CPQ: variants seen among roughly 807,000 people sequenced by gnomAD.
CPQ encodes the protein Ser-Met dipeptidase.
A neutral mutation model predicts 45.7 loss-of-function variants in CPQ; 37 were observed. The ratio of observed to expected loss-of-function variants is 0.81; its 90% CI spans 0.62 to 1.07. The LOEUF is 1.07. CPQ is among the 50% of genes least tolerant of loss of function. CPQ has a pLI of 0.00. For synonymous variants in CPQ, 186 were observed against 205.8 expected, an observed-to-expected ratio of 0.90 and a Z score of 0.82; for missense variants, 537 against 572.9, an observed-to-expected ratio of 0.94 and a Z score of 0.64.
intron 2 of CPQ, among the ~76,000 whole-genome samples, chr8:96,807,115 G>A (rs550282477): frequency 6.6e-6 from 1 of 152,274 alleles, no homozygotes; most frequent in South Asian, 2.1e-4. Flanking sequence ...TAAGGACAGA[G>A]GAAATTAACA....
At chr8:97,016,127 AATGTAAATACCT>A (rs1168546939) in intron 5 of CPQ, among the ~76,000 whole-genome samples, 1 of 152,190 alleles carries the variant, frequency 6.6e-6, no homozygotes, top group East Asian at 1.9e-4. Context: ...CAGAGTTTAA[AATGTAAATACCT>A]ATCATTTAAT....
At chr8:96,669,611 G>A (rs554476854) in intron 1 of CPQ, among the ~76,000 whole-genome samples, 2 of 152,204 alleles carry the variant, frequency 1.3e-5, no homozygotes, top group South Asian at 4.1e-4. Flanking sequence ...AAGAAAAATA[G>A]AAAATAAGAA....
chr8:96,879,251 G>A (rs1425073509), intron 3 of CPQ, among the ~76,000 whole-genome samples: 1 of 152,136 alleles, frequency 6.6e-6, no homozygotes, highest in East Asian at 1.9e-4. Flanking sequence ...TTTTCTTTAT[G>A]AGAATAGGAA....
At chr8:96,672,929 C>T (rs1422279735) in intron 1 of CPQ, among the ~76,000 whole-genome samples, 1 of 152,080 alleles carries the variant, frequency 6.6e-6, no homozygotes, top group Non-Finnish European at 1.5e-5. Context: ...GGGCTTCAAG[C>T]ATAGCCATCA....
At position 96,779,778 on chromosome 8, in the gene CPQ, A is replaced by G. The variant is rs571597765; in HGVS notation, c.-34-5086A>G. On this transcript the variant is annotated intron_variant, in intron 1 of 7. Coordinates refer to ENST00000220763, the MANE Select transcript of CPQ (RefSeq NM_016134.4). ...TTTTTTTGCACCAACAACACATTGGAAAAATGTACTTTCAAGAATAAATTG... is the reference window on the plus strand; with the variant it reads ...TTTTTTTGCACCAACAACACATTGGGAAAATGTACTTTCAAGAATAAATTG... 6.3e-4 allele frequency among the ~76,000 whole-genome samples: 96 copies of G among 152,314 alleles called. 2 individuals carry two copies. In the South Asian group the frequency reaches 0.02, roughly 31 times the overall value.
chr8:96,666,501 G>A (rs1378188643), intron 1 of CPQ, among the ~76,000 whole-genome samples: 1 of 152,186 alleles, frequency 6.6e-6, no homozygotes, highest in Admixed American at 6.5e-5. Flanking sequence ...TACAGGGTGA[G>A]GAATGGTATT....
chr8:97,107,971 A>G (rs1811430565), intron 7 of CPQ, among the ~76,000 whole-genome samples: 1 of 152,074 alleles, frequency 6.6e-6, no homozygotes, highest in South Asian at 2.1e-4. Context: ...ACAGCAGCAA[A>G]TAAGAAGGCA....
At chr8:96,871,518 G>C (rs1812066726) in intron 3 of CPQ, among the ~76,000 whole-genome samples, 1 of 147,350 alleles carries the variant, frequency 6.8e-6, no homozygotes, top group African/African-American at 2.5e-5. Context: ...ATAGCTTCAG[G>C]CTTTGCTTCC....
chr8:96,705,944 T>C (rs941571277), intron 1 of CPQ, among the ~76,000 whole-genome samples: 3 of 152,176 alleles, frequency 2.0e-5, no homozygotes, highest in Non-Finnish European at 2.9e-5. Flanking sequence ...GATCTAATGA[T>C]AATGTGACCA....
intron 3 of CPQ, among the ~76,000 whole-genome samples, chr8:96,878,680 A>G (rs1020179515): frequency 6.6e-6 from 1 of 152,214 alleles, no homozygotes; most frequent in Non-Finnish European, 1.5e-5. Context: ...GTAGTTAGAG[A>G]TAAGAATGCA....
At chr8:96,793,068 C>T (rs190555604) in intron 2 of CPQ, among the ~76,000 whole-genome samples, 1 of 151,984 alleles carries the variant, frequency 6.6e-6, no homozygotes, top group East Asian at 1.9e-4. Flanking sequence ...CTGAGTCCCT[C>T]AATAAGATTT....
At chr8:96,988,001 A>G (rs1348723997) in intron 5 of CPQ, among the ~76,000 whole-genome samples, 2 of 152,228 alleles carry the variant, frequency 1.3e-5, no homozygotes, top group African/African-American at 4.8e-5. Context: ...ACTGTCTGTC[A>G]GCAACTATGT....
At chr8:97,087,513 TG>T (rs1234501288) in intron 7 of CPQ, among the ~76,000 whole-genome samples, 4 of 151,976 alleles carry the variant, frequency 2.6e-5, no homozygotes, top group Non-Finnish European at 5.9e-5. Context: ...TTTGTTATAA[TG>T]GTAATTAGCA....
chr8:96,860,136 T>C (rs1811907040), intron 3 of CPQ, among the ~76,000 whole-genome samples: 1 of 152,118 alleles, frequency 6.6e-6, no homozygotes, highest in Non-Finnish European at 1.5e-5. Context: ...TTACCTGCTG[T>C]GTTGTCCTTG....
At chr8:96,863,097 C>T (rs915326839) in intron 3 of CPQ, among the ~76,000 whole-genome samples, 6 of 152,084 alleles carry the variant, frequency 3.9e-5, no homozygotes, top group Admixed American at 3.9e-4. Context: ...CTGTTACATG[C>T]AGTTGATCTT....
At chr8:96,687,435 A>C (rs1024660535) in intron 1 of CPQ, among the ~76,000 whole-genome samples, 15 of 151,830 alleles carry the variant, frequency 9.9e-5, no homozygotes, top group African/African-American at 3.6e-4. Flanking sequence ...CTGGTCTCGA[A>C]CTTCGCCTCA....
At chr8:96,755,737 G>A (rs904972495) in intron 1 of CPQ, among the ~76,000 whole-genome samples, 4 of 151,658 alleles carry the variant, frequency 2.6e-5, no homozygotes, top group African/African-American at 4.8e-5. Flanking sequence ...TTCTCAAATC[G>A]AAATTTTGTT....
chr8:96,984,168 T>G (rs897038648), intron 5 of CPQ, among the ~76,000 whole-genome samples: 5 of 152,130 alleles, frequency 3.3e-5, no homozygotes, highest in Non-Finnish European at 5.9e-5. Flanking sequence ...TTAAATAATA[T>G]AGTAACCACA....
chr8:97,041,132 C>G (rs1326386324), intron 6 of CPQ, among the ~76,000 whole-genome samples: 5 of 152,172 alleles, frequency 3.3e-5, no homozygotes, highest in Non-Finnish European at 7.3e-5. Context: ...GATGTTCTTC[C>G]ATTTCTTTGT....
Sources: gnomAD v4.1 joint callset for allele counts (sites outside exome capture counted in the v4.1 genomes callset) on GRCh38, gnomAD v4.1.1 for gene constraint, MANE v1.5 for transcripts, NCBI Gene and HGNC (gene_info 2026-07-23, HGNC 2026-07-21) for gene names.